RELN: variants seen among roughly 807,000 people sequenced by gnomAD.
RELN encodes reelin.
Under a neutral mutation model 427.6 loss-of-function variants are expected in RELN, and 108 were observed. That is an observed-to-expected ratio of 0.25 (90% confidence interval 0.22 to 0.30). The LOEUF (loss-of-function observed/expected upper bound fraction) is 0.30. Among genes scored for constraint, RELN ranks in the 10% least tolerant of loss-of-function variants. The pLI is 1.00. For missense variants in RELN, 3,715 were observed against 4,302.8 expected (o/e 0.86, Z 3.82); for synonymous variants, 1,524 against 1,513.4 (o/e 1.01, Z -0.16).
chr7:103,537,446 G>T (rs1377425225), intron 45 of RELN, among the ~76,000 whole-genome samples: 2 of 152,140 alleles, frequency 1.3e-5, no homozygotes, highest in African/African-American at 4.8e-5. Flanking sequence ...AAATCCCCAT[G>T]CCTGCTTCTT....
intron 51 of RELN, among the ~76,000 whole-genome samples, chr7:103,505,721 C>T (rs960559437): frequency 1.1e-4 from 16 of 152,124 alleles, no homozygotes; most frequent in East Asian, 3.8e-4. Flanking sequence ...GGGAACAAAA[C>T]GAGATGGAGA....
intron 12 of RELN, among the ~76,000 whole-genome samples, chr7:103,660,720 C>T (rs746052019): frequency 1.3e-5 from 2 of 152,168 alleles, no homozygotes; most frequent in Non-Finnish European, 2.9e-5. Flanking sequence ...GTGACACCTA[C>T]TCACATTTCT....
chr7:103,984,254 G>A (rs1797051566), intron 1 of RELN, among the ~76,000 whole-genome samples: 1 of 151,498 alleles, frequency 6.6e-6, no homozygotes, highest in Admixed American at 6.6e-5. Flanking sequence ...TTAAAATCTT[G>A]GTAAAATATC....
chr7:103,516,686 A>G (rs1238469911), intron 49 of RELN, among the ~76,000 whole-genome samples: 1 of 152,204 alleles, frequency 6.6e-6, no homozygotes, highest in Non-Finnish European at 1.5e-5. Flanking sequence ...AAGGCAAGAC[A>G]ACCAGTCCAA....
chr7:103,787,762 G>A (rs896590251), intron 3 of RELN, among the ~76,000 whole-genome samples: 1 of 152,158 alleles, frequency 6.6e-6, no homozygotes, highest in Admixed American at 6.5e-5. Context: ...GGTATAAAGA[G>A]GAGCTGGTAC....
At chr7:103,905,841 G>A (rs1009358308) in intron 2 of RELN, among the ~76,000 whole-genome samples, 11 of 152,164 alleles carry the variant, frequency 7.2e-5, no homozygotes, top group African/African-American at 2.7e-4. Flanking sequence ...GCACAGAGGA[G>A]GGAGTGGAGA....
At chr7:103,523,118 G>T (rs930302901) in intron 47 of RELN, among the ~76,000 whole-genome samples, 1 of 152,088 alleles carries the variant, frequency 6.6e-6, no homozygotes, top group Non-Finnish European at 1.5e-5. Flanking sequence ...TTCAAGGCTC[G>T]AGTGTATCAC....
At chr7:103,484,660 T>G (rs1213306586) in intron 61 of RELN, 1 of 152,242 alleles carries the variant, frequency 6.6e-6, no homozygotes, top group African/African-American at 2.4e-5. Context: ...ATTTTCGACT[T>G]TCAAAGATGT....
At chr7:103,888,690 C>G (rs1399434421) in intron 2 of RELN, among the ~76,000 whole-genome samples, 1 of 152,114 alleles carries the variant, frequency 6.6e-6, no homozygotes, top group African/African-American at 2.4e-5. Flanking sequence ...CAAGGAAGCC[C>G]CATGATGCCA....
chr7:103,699,321 T>C (rs895215272), intron 9 of RELN, among the ~76,000 whole-genome samples: 1 of 152,180 alleles, frequency 6.6e-6, no homozygotes, highest in African/African-American at 2.4e-5. Flanking sequence ...ACCTTACCTT[T>C]GGGGGTAATC....
chr7:103,777,318 G>A (rs555077658), intron 3 of RELN, among the ~76,000 whole-genome samples: 1 of 152,020 alleles, frequency 6.6e-6, no homozygotes, highest in Non-Finnish European at 1.5e-5. Context: ...TATATGAAGG[G>A]TTTTCCCTTA....
intron 2 of RELN, among the ~76,000 whole-genome samples, chr7:103,848,692 T>C (rs1793741497): frequency 6.6e-6 from 1 of 152,162 alleles, no homozygotes; most frequent in Non-Finnish European, 1.5e-5. Context: ...ATGGGAATTG[T>C]ATTTTGGGAA....
chr7:103,944,427 A>G (rs938182270), intron 1 of RELN, among the ~76,000 whole-genome samples: 2 of 152,260 alleles, frequency 1.3e-5, no homozygotes, highest in Admixed American at 1.3e-4. Context: ...CAAGACTTGC[A>G]GGCCCAGAGA....
At chr7:103,733,780 G>C (rs1391700518) in intron 6 of RELN, among the ~76,000 whole-genome samples, 1 of 150,348 alleles carries the variant, frequency 6.7e-6, no homozygotes, top group Non-Finnish European at 1.5e-5. Flanking sequence ...TCACACTCTG[G>C]GGACTGTTGT....
chr7:103,501,179 G>T (rs1484125041), intron 52 of RELN, among the ~76,000 whole-genome samples: 1 of 152,168 alleles, frequency 6.6e-6, no homozygotes, highest in Non-Finnish European at 1.5e-5. Flanking sequence ...TCTGTGTCAA[G>T]AAATAAATAG....
At chr7:103,713,655 T>A (rs1355950271) in intron 8 of RELN, among the ~76,000 whole-genome samples, 2 of 119,256 alleles carry the variant, frequency 1.7e-5, no homozygotes, top group African/African-American at 7.0e-5. Context: ...GTTCTGGCAT[T>A]TATCCTTTTT....
chr7:103,594,306 GAC>G lies in RELN; in HGVS notation c.3711+13_3711+14del. 6.2e-7 allele frequency: 1 copy of G among 1,609,650 alleles called. No homozygotes were observed. The highest frequency in any genetic ancestry group is 8.5e-7 in the Non-Finnish European group (1 of 1,176,064). On this transcript the variant is annotated intron_variant, in intron 26 of 64. Transcript: ENST00000428762. ...TAATTATCTGTCTTCTTGGAGTTCAGACATAGGAGAATACCTGAGGTAAAGTT... is the reference window on the plus strand; with the variant it reads ...TAATTATCTGTCTTCTTGGAGTTCAGATAGGAGAATACCTGAGGTAAAGTT...
intron 1 of RELN, among the ~76,000 whole-genome samples, chr7:103,985,649 T>C (rs1797081846): frequency 6.6e-6 from 1 of 152,178 alleles, no homozygotes; most frequent in Non-Finnish European, 1.5e-5. Flanking sequence ...GACATCTTTC[T>C]ACAATTACAA....
At chr7:103,706,429 AC>A (rs1239499807) in intron 8 of RELN, among the ~76,000 whole-genome samples, 1 of 152,208 alleles carries the variant, frequency 6.6e-6, no homozygotes, top group East Asian at 1.9e-4. Context: ...ACTCAAGAGA[AC>A]AATTATAGGG....
Sources: allele counts gnomAD v4.1 joint callset (sites outside exome capture counted in the v4.1 genomes callset), GRCh38; gene constraint gnomAD v4.1.1; transcripts MANE v1.5; gene names NCBI Gene and HGNC (gene_info 2026-07-23, HGNC 2026-07-21).